MAK: variants seen among roughly 807,000 people sequenced by gnomAD.
MAK encodes the protein serine/threonine-protein kinase MAK.
A neutral mutation model predicts 82.6 loss-of-function variants in MAK; 65 were observed. The observed-to-expected ratio is 0.79, with a 90% confidence interval of 0.64 to 0.97. The LOEUF (loss-of-function observed/expected upper bound fraction) is 0.97, where lower values mean the gene tolerates loss of function less well. Ranked by LOEUF, MAK falls within the 50% of genes least tolerant of loss-of-function variation. The pLI is 0.00. For synonymous variants in MAK, 250 were observed against 274.2 expected (o/e 0.91, Z 0.87); for missense variants, 703 against 780.2 (o/e 0.90, Z 1.18).
intron 10 of MAK, among the ~76,000 whole-genome samples, chr6:10,787,530 G>T (rs1213656206): frequency 6.6e-6 from 1 of 152,132 alleles, no homozygotes; most frequent in Non-Finnish European, 1.5e-5. Context: ...GCCTAGAATT[G>T]TACAAGACCA....
chr6:10,763,882 T>C lies in MAK; in HGVS notation c.*570A>G. On this transcript the variant is annotated 3_prime_UTR_variant, in exon 15 of 15. Transcript: ENST00000354489. ...AAAAAAAAAGATATCCTGCTCAAGATTGAAATTACCATCGCTCCCATAGCT... is the reference window on the plus strand; with the variant it reads ...AAAAAAAAAGATATCCTGCTCAAGACTGAAATTACCATCGCTCCCATAGCT... 6.7e-6 allele frequency: 1 copy of C among 149,616 alleles called. No individual in the cohort carries two copies. Among genetic ancestry groups the C allele is most frequent in the African/African-American group, 2.4e-5 (1 of 40,870 alleles). The allele number at this position is 149,616 out of a possible 1,614,324, so 9.3% of individuals were successfully genotyped here.
intron 3 of MAK, among the ~76,000 whole-genome samples, chr6:10,818,209 G>A (rs1437492659): frequency 6.6e-6 from 1 of 152,144 alleles, no homozygotes; most frequent in Non-Finnish European, 1.5e-5. Flanking sequence ...TTTTCCCTTG[G>A]TTTATAAATA....
intron 2 of MAK, among the ~76,000 whole-genome samples, chr6:10,820,601 ATTGAC>A (rs1777874268): frequency 6.6e-6 from 1 of 152,228 alleles, no homozygotes; most frequent in Admixed American, 6.5e-5. Flanking sequence ...AATATCTATG[ATTGAC>A]TATAAGACGA....
chr6:10,816,528 G>A lies in MAK; in HGVS notation c.278+1322C>T, dbSNP rs528931414. On this transcript the variant is annotated intron_variant, in intron 4 of 14. Coordinates refer to ENST00000354489, the MANE Select transcript of MAK (RefSeq NM_001242957.3). ...AAATTTATTAGAGGCTGAAAATTAA[G>A]ATTACCCATAATCCCACCACCTGAT... 1.4e-4 allele frequency among the ~76,000 whole-genome samples: 21 copies of A among 152,028 alleles called. No homozygotes were observed. In the East Asian group the frequency reaches 2.9e-3, roughly 21 times the overall value.
chr6:10,792,744 G>C (rs1170085090), intron 9 of MAK, among the ~76,000 whole-genome samples: 1 of 152,180 alleles, frequency 6.6e-6, no homozygotes, highest in African/African-American at 2.4e-5. Flanking sequence ...TTAAAGAATG[G>C]ACATGCTATT....
chr6:10,836,721 A>G (rs1007787236), intron 1 of MAK, among the ~76,000 whole-genome samples: 1 of 152,210 alleles, frequency 6.6e-6, no homozygotes, highest in African/African-American at 2.4e-5. Flanking sequence ...ATATATATAG[A>G]TATGATACAT....
chr6:10,801,197 A>T (rs1376429990), intron 8 of MAK, among the ~76,000 whole-genome samples: 1 of 152,236 alleles, frequency 6.6e-6, no homozygotes, highest in Admixed American at 6.5e-5. Context: ...GATGACATTT[A>T]GAAAACATTT....
chr6:10,782,365 G>A (rs868676331), intron 11 of MAK, among the ~76,000 whole-genome samples: 1 of 151,914 alleles, frequency 6.6e-6, no homozygotes, highest in African/African-American at 2.4e-5. Context: ...ATACAAATAC[G>A]TGTCTTCCTC....
intron 1 of MAK, among the ~76,000 whole-genome samples, chr6:10,835,539 G>A (rs1387793849): frequency 6.6e-6 from 1 of 152,188 alleles, no homozygotes; most frequent in Non-Finnish European, 1.5e-5. Flanking sequence ...GGGTTTATAG[G>A]CGTGAGCCAC....
intron 10 of MAK, among the ~76,000 whole-genome samples, chr6:10,789,509 A>G (rs1169211751): frequency 6.6e-6 from 1 of 152,174 alleles, no homozygotes; most frequent in East Asian, 1.9e-4. Context: ...TATACAGCCC[A>G]TCTTTTCCTA....
intron 6 of MAK, among the ~76,000 whole-genome samples, chr6:10,806,664 T>G (rs1162616133): frequency 6.6e-6 from 1 of 151,916 alleles, no homozygotes. Flanking sequence ...GCCTAATTTT[T>G]GTATTTTTAG....
Position 10,804,012 on chromosome 6 carries a change from C to T in MAK, c.492-121G>A, listed in dbSNP as rs149074775. ...AAGGAACAGGTATTCAGACCCTGTT[C>T]CATCTGTGTGTCAGGCATTTGTACA... is the stretch of plus-strand genomic sequence containing the variant. On this transcript the variant is annotated intron_variant, in intron 6 of 14. Transcript: ENST00000354489. 2.1e-5 allele frequency: 17 copies of T among 811,910 alleles called. No individual in the cohort carries two copies. The African/African-American group carries it at 2.9e-4, about 14-fold the overall frequency. 50.3% of individuals were successfully genotyped at this position (811,910 alleles called of 1,614,324 possible).
chr6:10,825,026 C>T (rs139232111), intron 2 of MAK, among the ~76,000 whole-genome samples: 2 of 152,222 alleles, frequency 1.3e-5, no homozygotes, highest in South Asian at 4.1e-4. Flanking sequence ...TGACCCAATA[C>T]TAGCCAGTAA....
rs747553199 is a variant in MAK, at chr6:10,808,886, C to T, written c.415G>A (p.Val139Met). 2 of 1,613,792 alleles carry T rather than the reference C, an allele frequency of 1.2e-6. No individual in the cohort carries two copies. The highest frequency in any genetic ancestry group is 2.2e-5 in the South Asian group (2 of 91,074). ...GCAAGTCCAAAATCAGCAATTTTCA[C>T]AAGCTCTGGACCCATACAAAGCAAG... ...ENLLCMGPEL[V>M]KIADFGLARE... The change falls in exon 6 of 15, where the codon GTG (valine) becomes ATG (methionine). Residue 139 changes from valine (V) to methionine (M), a missense_variant. By Grantham distance (21) the Val-to-Met change is conservative. Transcript: ENST00000354489.
rs147575574 is a variant in MAK at position 10,784,327 on chromosome 6, TG to T, written c.1465+96del. The T allele has an allele frequency of 8.6e-4, 1,108 of 1,293,316 alleles. 6 individuals are homozygous for T. In the African/African-American group the frequency reaches 0.014, roughly 17 times the overall value. The allele number at this position is 1,293,316 out of a possible 1,614,324, so 80.1% of individuals were successfully genotyped here. A position where few individuals can be genotyped will look rare whatever the true frequency, so the allele number is the denominator to read the frequency against. On this transcript the variant is annotated intron_variant, in intron 11 of 14. Transcript: ENST00000354489. ...CAAAGAGCTCTGTGATTAGATTTTT[TG>T]CTTCACTGCTGCCCTTTCTTTGGAG...
chr6:10,834,513 A>G (rs1305948203), intron 1 of MAK, among the ~76,000 whole-genome samples: 2 of 152,130 alleles, frequency 1.3e-5, no homozygotes, highest in African/African-American at 2.4e-5. Context: ...TTGCTCCAAA[A>G]CCACACAGAC....
At chr6:10,788,082 C>A (rs1774745170) in intron 10 of MAK, among the ~76,000 whole-genome samples, 1 of 151,536 alleles carries the variant, frequency 6.6e-6, no homozygotes, top group South Asian at 2.1e-4. Flanking sequence ...GCTCGGCCTT[C>A]CAAGCTCAAG....
chr6:10,812,908 C>T (rs1433619695), intron 5 of MAK, among the ~76,000 whole-genome samples: 2 of 149,584 alleles, frequency 1.3e-5, no homozygotes, highest in African/African-American at 2.5e-5. Context: ...GGATTATAGG[C>T]GCGCGCCACC....
chr6:10,828,152 G>T (rs914651266), intron 2 of MAK, among the ~76,000 whole-genome samples: 1 of 152,012 alleles, frequency 6.6e-6, no homozygotes, highest in Admixed American at 6.6e-5. Context: ...AATATTTTAT[G>T]AAGTTATTTC....
Sources: gnomAD v4.1 joint callset for allele counts (sites outside exome capture counted in the v4.1 genomes callset) on GRCh38, gnomAD v4.1.1 for gene constraint, MANE v1.5 for transcripts, NCBI Gene and HGNC (gene_info 2026-07-23, HGNC 2026-07-21) for gene names.